The following TBC1D2B variants were observed in gnomAD, a reference collection of about 807,000 sequenced individuals.
TBC1D2B encodes TBC1 domain family, member 2B.
Under a neutral mutation model 100.8 loss-of-function variants are expected in TBC1D2B, and 64 were observed. The observed-to-expected ratio is 0.64, with a 90% confidence interval of 0.52 to 0.78. The LOEUF (loss-of-function observed/expected upper bound fraction) is 0.78. TBC1D2B is among the 30% of genes least tolerant of loss of function. TBC1D2B has a pLI of 0.00. For missense variants in TBC1D2B, 1,052 were observed against 1,218.4 expected, an observed-to-expected ratio of 0.86 and a Z score of 2.03; for synonymous variants, 480 against 479.7, an observed-to-expected ratio of 1.00 and a Z score of -0.01.
intron 12 of TBC1D2B, chr15:77,998,559 C>T (rs555825637): frequency 7.0e-5 from 37 of 525,064 alleles, no homozygotes; most frequent in African/African-American, 4.1e-4. Flanking sequence ...CTCAGAATGA[C>T]GACCTGGACT....
chr15:78,029,881 A>G (rs1297493690), intron 4 of TBC1D2B, 126 bp downstream of exon 4: 1 of 644,900 alleles, frequency 1.6e-6, no homozygotes, highest in East Asian at 3.0e-5. Context: ...AGTCCGACAA[A>G]GAGAATGCAA....
rs957757954 is a variant in TBC1D2B at position 78,013,207 on chromosome 15, T to A, written c.1886A>T (p.Gln629Leu). 3 of 1,614,042 alleles carry A rather than the reference T, an allele frequency of 1.9e-6. No homozygotes were observed. Among genetic ancestry groups the A allele is most frequent in the Middle Eastern group, 1.6e-4 (1 of 6,062 alleles). The change falls in exon 9 of 13, where the codon CAG (glutamine) becomes CTG (leucine). Residue 629 changes from glutamine to leucine, a missense_variant. Transcript: ENST00000300584. ...CCACTTGACCCCAGTGGAGACTTCC[T>A]GGTTTTCTGTGAGGTAGAGAGTCTT... ...DLKTLYLTEN[Q>L]EVSTGVKWEN...
At chr15:78,049,040 T>C (rs11636889) in intron 2 of TBC1D2B, among the ~76,000 whole-genome samples, 135,303 of 152,258 alleles carry the variant, frequency 0.89, 60,826 homozygotes, top group East Asian at 0.99. Flanking sequence ...ACAGGGTGGG[T>C]TTAATCTGAA....
chr15:78,005,139 C>G (rs536057427), intron 10 of TBC1D2B, among the ~76,000 whole-genome samples: 227 of 152,322 alleles, frequency 1.5e-3, no homozygotes, highest in African/African-American at 5.1e-3. Flanking sequence ...AACTAGGAGG[C>G]AGACTGTGCC....
At chr15:78,074,493 T>G (rs186099609) in intron 1 of TBC1D2B, among the ~76,000 whole-genome samples, 1 of 152,164 alleles carries the variant, frequency 6.6e-6, no homozygotes. Context: ...AAAAAAGAAA[T>G]ATTCTGAACC....
At chr15:78,053,879 G>A (rs567888535) in intron 2 of TBC1D2B, 155 bp downstream of exon 2, 17 of 856,632 alleles carry the variant, frequency 2.0e-5, no homozygotes, top group Non-Finnish European at 2.8e-5. Flanking sequence ...CTTTGTACAT[G>A]GAGGCGCTGG....
At chr15:78,064,938 A>G (rs535365901) in intron 1 of TBC1D2B, among the ~76,000 whole-genome samples, 96 of 152,284 alleles carry the variant, frequency 6.3e-4, no homozygotes, top group Non-Finnish European at 8.1e-4. Flanking sequence ...TAAAATTGCT[A>G]TCTTAAAATT....
intron 9 of TBC1D2B, among the ~76,000 whole-genome samples, chr15:78,011,536 T>A (rs2072225283): frequency 1.3e-5 from 2 of 149,358 alleles, no homozygotes. Flanking sequence ...AGTGGTGTGA[T>A]CACAGCTCAC....
intron 4 of TBC1D2B, among the ~76,000 whole-genome samples, chr15:78,029,096 A>G (rs750113074): frequency 6.6e-6 from 1 of 150,544 alleles, no homozygotes; most frequent in Non-Finnish European, 1.5e-5. Context: ...TCGGTCTGTC[A>G]CCCAGGCTAG....
At chr15:78,077,251 C>T in intron 1 of TBC1D2B, 42 bp downstream of exon 1, 2 of 1,403,602 alleles carry the variant, frequency 1.4e-6, no homozygotes, top group South Asian at 3.1e-5. Context: ...GCAGGGGACG[C>T]CGGCGGAAGC....
At position 78,077,416 on chromosome 15, in the gene TBC1D2B, G is replaced by A. The variant is rs754324199; in HGVS notation, c.237C>T (p.Leu79=). The A allele has an allele frequency of 2.7e-5, 42 of 1,546,026 alleles. No individual in the cohort carries two copies. Among genetic ancestry groups the A allele is most frequent in the Admixed American group, 1.4e-4 (7 of 50,784 alleles). Residue 79 remains leucine, a synonymous_variant, in exon 1 of 13, where the codon CTC becomes CTT. Coordinates refer to ENST00000300584, the MANE Select transcript of TBC1D2B (RefSeq NM_144572.2). The stretch of plus-strand genomic sequence containing the variant: ...AGGCGTCCGCGATGTCCAAGTGGCC[G>A]AGGGGCAGCGCGTCCTGCGGACTCT... ...YFKSPQDALP[L]GHLDIADACF...
chr15:78,007,740 G>A (rs1040962736), intron 10 of TBC1D2B, among the ~76,000 whole-genome samples: 6 of 152,210 alleles, frequency 3.9e-5, no homozygotes, highest in African/African-American at 1.4e-4. Context: ...TTATAGCAAG[G>A]GCAGAAAGCC....
At chr15:78,057,889 T>C (rs1243334677) in intron 1 of TBC1D2B, among the ~76,000 whole-genome samples, 1 of 152,182 alleles carries the variant, frequency 6.6e-6, no homozygotes, top group Non-Finnish European at 1.5e-5. Flanking sequence ...AGCCTCTGCG[T>C]TTTTTATCTG....
intron 1 of TBC1D2B, among the ~76,000 whole-genome samples, chr15:78,061,847 C>T (rs943698012): frequency 2.0e-5 from 3 of 151,908 alleles, no homozygotes; most frequent in Non-Finnish European, 4.4e-5. Context: ...CTTACAACAA[C>T]AGTTGTATAG....
At chr15:78,014,567 T>C (rs2072319439) in intron 8 of TBC1D2B, among the ~76,000 whole-genome samples, 1 of 152,182 alleles carries the variant, frequency 6.6e-6, no homozygotes, top group African/African-American at 2.4e-5. Flanking sequence ...AAAGACACCA[T>C]GGTAGATTCA....
At chr15:78,016,176 G>GT (rs1206047111) in intron 8 of TBC1D2B, among the ~76,000 whole-genome samples, 3 of 152,138 alleles carry the variant, frequency 2.0e-5, no homozygotes. Flanking sequence ...GTGTGTGTGT[G>GT]TAAGCTCAGT....
Position 78,077,309 on chromosome 15 carries a change from G to A in TBC1D2B, c.344C>T (p.Ala115Val), listed in dbSNP as rs1342016282. 6.6e-7 allele frequency: 1 copy of A among 1,525,930 alleles called. No homozygotes were observed. The highest frequency in any genetic ancestry group is 1.2e-5 in the South Asian group (1 of 81,852). 94.5% of individuals were successfully genotyped at this position (1,525,930 alleles called of 1,614,324 possible). Residue 115 changes from alanine to valine, a missense_variant, in exon 1 of 13, where the codon GCC becomes GTC. Ala to Val is a moderately conservative substitution (Grantham distance 64). This residue lies in a region of TBC1D2B where 627 missense variants were observed against 646.1 expected (regional missense o/e 0.97). Coordinates refer to ENST00000300584, the MANE Select transcript of TBC1D2B (RefSeq NM_144572.2). ...PAHFQVHSAG[A>V]VTVLKAPNRQ... ...CGGTCCCACCTTGAGCACCGTGACG[G>A]CTCCCGCGCTGTGCACCTGGAAGTG...
At position 77,998,291 on chromosome 15, in the gene TBC1D2B, G is replaced by T. The variant is rs199780820; in HGVS notation, c.2761C>A (p.Arg921Ser). The part of the protein sequence containing the change: ...PFPLRQIRNR[R>S]AYHLEKVRLE... ...CGGACTTTCTCCAAGTGGTAGGCGC[G>T]TCGGTTCCGGATCTGGCGTAGGGGG... The change falls in exon 13 of 13, where the codon CGC becomes AGC. Residue 921 changes from arginine to serine, a missense_variant. Arg to Ser is a moderately radical substitution (Grantham distance 110). Coordinates refer to ENST00000300584, the MANE Select transcript of TBC1D2B (RefSeq NM_144572.2). The T allele has an allele frequency of 5.7e-5, 92 of 1,605,186 alleles. No individual in the cohort carries two copies. The highest frequency in any genetic ancestry group is 7.5e-5 in the Non-Finnish European group (88 of 1,176,436).
intron 8 of TBC1D2B, among the ~76,000 whole-genome samples, chr15:78,014,635 A>T (rs946850991): frequency 6.6e-6 from 1 of 152,246 alleles, no homozygotes; most frequent in African/African-American, 2.4e-5. Flanking sequence ...TTGTAGTACC[A>T]GCTATTTGGG....
Sources: gnomAD v4.1 joint callset for allele counts (sites outside exome capture counted in the v4.1 genomes callset) on GRCh38, gnomAD v4.1.1 for gene constraint, gnomAD v4.1.1 regional missense constraint, MANE v1.5 for transcripts, NCBI Gene and HGNC (gene_info 2026-07-23, HGNC 2026-07-21) for gene names.